Variants in RAP1A observed in about 807,000 individuals in gnomAD.
RAP1A encodes RAP1A, member of RAS oncogene family.
A neutral mutation model predicts 26.4 loss-of-function variants in RAP1A; 6 were observed. The ratio of observed to expected loss-of-function variants is 0.23; its 90% CI spans 0.12 to 0.45. The LOEUF is 0.45. Among genes scored for constraint, RAP1A ranks in the 20% least tolerant of loss-of-function variants. RAP1A has a pLI of 0.99. For missense variants in RAP1A, 121 were observed against 217.2 expected (o/e 0.56, Z 2.78); for synonymous variants, 73 against 79.4 (o/e 0.92, Z 0.43).
At chr1:111,686,463 G>A (rs1172891976) in intron 1 of RAP1A, 2 of 151,700 alleles carry the variant, frequency 1.3e-5, no homozygotes, top group African/African-American at 4.8e-5. Context: ...CTTGTGCCCA[G>A]GAGTTTGAGA....
At chr1:111,549,789 C>T (rs1234459321) in intron 1 of RAP1A, among the ~76,000 whole-genome samples, 4 of 152,074 alleles carry the variant, frequency 2.6e-5, no homozygotes, top group Admixed American at 2.6e-4. Context: ...TCTAGAGCTA[C>T]AGGTGCACAC....
At chr1:111,699,571 C>T (rs1448285372) in intron 4 of RAP1A, among the ~76,000 whole-genome samples, 1 of 150,426 alleles carries the variant, frequency 6.6e-6, no homozygotes, top group Admixed American at 6.7e-5. Flanking sequence ...AAGAAATCCT[C>T]CCACCATAAC....
At chr1:111,609,347 A>T (rs534409877) in intron 1 of RAP1A, among the ~76,000 whole-genome samples, 114 of 151,988 alleles carry the variant, frequency 7.5e-4, no homozygotes, top group Middle Eastern at 3.4e-3. Context: ...CATTATTATT[A>T]TTTTTTTTAA....
intron 1 of RAP1A, among the ~76,000 whole-genome samples, chr1:111,586,757 GA>G (rs1658372121): frequency 6.6e-6 from 1 of 152,138 alleles, no homozygotes; most frequent in Non-Finnish European, 1.5e-5. Context: ...AAGGATGAAT[GA>G]AAAAACAAAC....
intron 1 of RAP1A, among the ~76,000 whole-genome samples, chr1:111,574,044 A>C (rs1658101011): frequency 6.6e-6 from 1 of 152,204 alleles, no homozygotes; most frequent in African/African-American, 2.4e-5. Context: ...TCCTATGTCC[A>C]AAATGATATT....
At chr1:111,547,279 T>G (rs1020169143) in intron 1 of RAP1A, among the ~76,000 whole-genome samples, 21 of 152,072 alleles carry the variant, frequency 1.4e-4, no homozygotes, top group African/African-American at 4.8e-4. Flanking sequence ...CTTTTTCTGG[T>G]CTGGTGTGTT....
intron 1 of RAP1A, among the ~76,000 whole-genome samples, chr1:111,664,289 G>A (rs1056844703): frequency 1.4e-5 from 2 of 144,494 alleles, no homozygotes; most frequent in Non-Finnish European, 3.0e-5. Flanking sequence ...CAGAAGAATC[G>A]CTTGAACCAA....
Position 111,680,097 on chromosome 1 carries a change from A to G in RAP1A, c.-27-11237A>G, listed in dbSNP as rs904475844. Among the ~76,000 whole-genome samples the G allele has an allele frequency of 6.6e-5, 10 of 152,310 alleles. No homozygotes were observed. The South Asian group carries it at 1.2e-3, about 19-fold the overall frequency. On this transcript the variant is annotated intron_variant, in intron 1 of 7. Coordinates refer to ENST00000369709, the MANE Select transcript of RAP1A (RefSeq NM_002884.4). ...CTGATCCCTGTGCCTCCTGACTGGG[A>G]GACACCTCCCAGTGTGTCCAGAGTT... is the stretch of plus-strand genomic sequence containing the variant.
chr1:111,622,396 A>T (rs562936885), intron 1 of RAP1A, among the ~76,000 whole-genome samples: 1 of 152,264 alleles, frequency 6.6e-6, no homozygotes, highest in South Asian at 2.1e-4. Context: ...GGCCTCCTAC[A>T]TCCCAAAAAG....
At chr1:111,589,431 A>G (rs577355086) in intron 1 of RAP1A, among the ~76,000 whole-genome samples, 1 of 152,294 alleles carries the variant, frequency 6.6e-6, no homozygotes, top group East Asian at 1.9e-4. Flanking sequence ...TAATAAAATA[A>G]AATGTTTCCA....
chr1:111,590,713 G>A (rs971687521), intron 1 of RAP1A, among the ~76,000 whole-genome samples: 4 of 151,854 alleles, frequency 2.6e-5, no homozygotes, highest in Admixed American at 6.6e-5. Context: ...GAGCCACTGC[G>A]CCCGGCCTCT....
intron 1 of RAP1A, chr1:111,627,415 C>A (rs1381943176): frequency 6.6e-6 from 1 of 151,790 alleles, no homozygotes; most frequent in Non-Finnish European, 1.5e-5. Context: ...CTGGGACAGA[C>A]ATTTTTTGTA....
chr1:111,548,445 C>G (rs1657119500), intron 1 of RAP1A, among the ~76,000 whole-genome samples: 1 of 152,208 alleles, frequency 6.6e-6, no homozygotes, highest in African/African-American at 2.4e-5. Context: ...GATCTTGACT[C>G]TGCTTGTTTA....
chr1:111,667,753 T>G lies in RAP1A; in HGVS notation c.-27-23581T>G, dbSNP rs572207889. 1.8e-3 allele frequency among the ~76,000 whole-genome samples: 273 copies of G among 152,230 alleles called. 3 individuals carry two copies. The highest frequency in any genetic ancestry group is 5.7e-3 in the African/African-American group (238 of 41,540). On this transcript the variant is annotated intron_variant, in intron 1 of 7. Transcript: ENST00000369709. ...GTGCATATTGGCCATTTAAGATTTT[T>G]TAAATGAAGGTCCCATTTTACAACT...
intron 1 of RAP1A, among the ~76,000 whole-genome samples, chr1:111,569,427 C>T (rs1007922021): frequency 6.6e-6 from 1 of 151,572 alleles, no homozygotes. Context: ...CTTGGATTTC[C>T]GACCGTGCCA....
At chr1:111,620,473 A>G (rs1659161870) in intron 1 of RAP1A, among the ~76,000 whole-genome samples, 1 of 151,966 alleles carries the variant, frequency 6.6e-6, no homozygotes, top group Non-Finnish European at 1.5e-5. Flanking sequence ...ACGGGGTTGG[A>G]GGGTTGGGTG....
At chr1:111,566,702 T>A (rs552997016) in intron 1 of RAP1A, among the ~76,000 whole-genome samples, 262 of 152,120 alleles carry the variant, frequency 1.7e-3, no homozygotes, top group Non-Finnish European at 3.2e-3. Flanking sequence ...CAAGATTATA[T>A]CTCTCAAAAA....
At chr1:111,590,167 T>C (rs1012513460) in intron 1 of RAP1A, among the ~76,000 whole-genome samples, 1 of 147,480 alleles carries the variant, frequency 6.8e-6, no homozygotes, top group Non-Finnish European at 1.5e-5. Flanking sequence ...ACTCTCTTAA[T>C]AGTTTGTAGA....
chr1:111,654,224 C>T (rs1287748782), intron 1 of RAP1A, among the ~76,000 whole-genome samples: 1 of 152,112 alleles, frequency 6.6e-6, no homozygotes, highest in Admixed American at 6.5e-5. Context: ...TGGAATTTGC[C>T]ATCTTTTTTA....
Sources: gnomAD v4.1 joint callset for allele counts (sites outside exome capture counted in the v4.1 genomes callset) on GRCh38, gnomAD v4.1.1 for gene constraint, MANE v1.5 for transcripts, NCBI Gene and HGNC (gene_info 2026-07-23, HGNC 2026-07-21) for gene names.